Variants in GNPAT observed in about 807,000 individuals in gnomAD.
GNPAT encodes the protein dihydroxyacetone phosphate acyltransferase.
GNPAT carries 30 observed loss-of-function variants against 78.4 expected under a neutral mutation model. That is an observed-to-expected ratio of 0.38 (90% confidence interval 0.29 to 0.52). The LOEUF (loss-of-function observed/expected upper bound fraction) is 0.52, where lower values mean the gene tolerates loss of function less well. Among genes scored for constraint, GNPAT ranks in the 20% least tolerant of loss-of-function variants. The pLI is 0.84. For missense variants in GNPAT, 714 were observed against 812.2 expected (o/e 0.88, Z 1.47); for synonymous variants, 271 against 281.1 (o/e 0.96, Z 0.36).
intron 2 of GNPAT, among the ~76,000 whole-genome samples, chr1:231,253,070 GCC>G (rs1684945280): frequency 6.6e-6 from 1 of 152,184 alleles, no homozygotes; most frequent in African/African-American, 2.4e-5. Flanking sequence ...CCGGGTTCAT[GCC>G]ATTCTCCTGC....
intron 1 of GNPAT, among the ~76,000 whole-genome samples, chr1:231,245,917 C>T (rs1032061189): frequency 2.6e-5 from 4 of 151,632 alleles, no homozygotes; most frequent in African/African-American, 7.3e-5. Flanking sequence ...TGCAGTGAGC[C>T]GAGATTGCGC....
intron 12 of GNPAT, 23 bp from the exon 13 acceptor site, chr1:231,275,198 C>G (rs1170653239): frequency 1.5e-6 from 2 of 1,376,696 alleles, no homozygotes; most frequent in East Asian, 2.3e-5. Context: ...TTCTGTTCCC[C>G]TCATCCTTCC....
intron 4 of GNPAT, 85 bp from the exon 5 acceptor site, chr1:231,265,208 A>AT: frequency 9.8e-7 from 1 of 1,021,462 alleles, no homozygotes. Flanking sequence ...ATAATAAAAT[A>AT]TAAATGAAAA....
chr1:231,265,787 G>T lies in GNPAT; in HGVS notation c.772G>T (p.Gly258Cys). Residue 258 changes from glycine to cysteine, a missense_variant and splice_region_variant, in exon 6 of 16, where the codon GGT becomes TGT. By Grantham distance (159) the Gly-to-Cys change is radical. Coordinates refer to ENST00000366647, the MANE Select transcript of GNPAT (RefSeq NM_014236.4). ...TGCCAAGACATTGACTCCTAAATTT[G>T]GTAGGTCACTACAGATTAAAAGGAA... is the stretch of plus-strand genomic sequence containing the variant. ...RSAKTLTPKF[G>C]LLNIVMEPFF... The T allele has an allele frequency of 6.4e-7, 1 of 1,570,484 alleles. No homozygotes were observed. The highest frequency in any genetic ancestry group is 8.8e-7 in the Non-Finnish European group (1 of 1,140,266).
chr1:231,241,249 T>G lies in GNPAT; in HGVS notation c.-130T>G, dbSNP rs1242188139. 1.4e-6 allele frequency: 2 copies of G among 1,451,650 alleles called. No homozygotes were observed. Among genetic ancestry groups the G allele is most frequent in the African/African-American group, 2.8e-5 (2 of 71,474 alleles). 89.9% of individuals were successfully genotyped at this position (1,451,650 alleles called of 1,614,324 possible). A position where few individuals can be genotyped will look rare whatever the true frequency, so the allele number is the denominator to read the frequency against. The stretch of plus-strand genomic sequence containing the variant: ...AGATGGCGGCGCCCGGGATCCTGTG[T>G]AGCGGCTGCAGAGGGTGCCGCCGCC... On this transcript the variant is annotated 5_prime_UTR_variant, in exon 1 of 16. Coordinates refer to ENST00000366647, the MANE Select transcript of GNPAT (RefSeq NM_014236.4).
In GNPAT at chr1:231,251,054, C is replaced by T. The variant is rs1357562149; in HGVS notation, c.172C>T (p.Leu58Phe). 6.3e-7 allele frequency: 1 copy of T among 1,594,000 alleles called. No individual in the cohort carries two copies. Among genetic ancestry groups the T allele is most frequent in the East Asian group, 2.2e-5 (1 of 44,772 alleles). Residue 58 changes from leucine to phenylalanine, a missense_variant, in exon 2 of 16, where the codon CTT (leucine) becomes TTT (phenylalanine). Coordinates refer to ENST00000366647, the MANE Select transcript of GNPAT (RefSeq NM_014236.4). The stretch of plus-strand genomic sequence containing the variant: ...ATTTGCAATGAAATGCTACACACCT[C>T]TTGTCTATAAGGGAATTACTCCATG... Reference protein sequence around the residue: ...LKFAMKCYTPLVYKGITPCKP... With the variant: ...LKFAMKCYTPFVYKGITPCKP...
rs144541106 is a variant in GNPAT, at chr1:231,253,963, C to T, written c.261+2820C>T. 2.3e-3 allele frequency among the ~76,000 whole-genome samples: 357 copies of T among 152,326 alleles called. 2 individuals carry two copies. The highest frequency in any genetic ancestry group is 8.2e-3 in the African/African-American group (341 of 41,562). ...GAGTAGCTGGGATTACAGGCGCCTG[C>T]CACCACACCCGGCTAATTTTTGTAT... On this transcript the variant is annotated intron_variant, in intron 2 of 15. Coordinates refer to ENST00000366647, the MANE Select transcript of GNPAT (RefSeq NM_014236.4).
rs540007528 is a variant in GNPAT at position 231,251,346 on chromosome 1, G to GTGAAATA, written c.261+206_261+212dup. Among the ~76,000 whole-genome samples, 650 of 152,332 alleles carry GTGAAATA rather than the reference G, an allele frequency of 4.3e-3. 4 individuals carry two copies. Among genetic ancestry groups the GTGAAATA allele is most frequent in the Non-Finnish European group, 5.1e-3 (346 of 68,034 alleles). On this transcript the variant is annotated intron_variant, in intron 2 of 15. Coordinates refer to ENST00000366647, the MANE Select transcript of GNPAT (RefSeq NM_014236.4). ...CTAACAGTGAGCGAGTTGAGCGTAAGTGAAATATGTCGTCTGGGCATAAGT... is the reference window on the plus strand; with the variant it reads ...CTAACAGTGAGCGAGTTGAGCGTAAGTGAAATATGAAATATGTCGTCTGGGCATAAGT...
chr1:231,251,245 G>A, intron 2 of GNPAT, 102 bp downstream of exon 2: 1 of 700,568 alleles, frequency 1.4e-6, no homozygotes, highest in South Asian at 1.8e-5. Flanking sequence ...TTTAGGCTGA[G>A]CTGTATTCAT....
intron 14 of GNPAT, 106 bp from the exon 15 acceptor site, chr1:231,276,029 A>G: frequency 1.5e-6 from 1 of 678,494 alleles, no homozygotes; most frequent in South Asian, 1.6e-5. Flanking sequence ...AGCCTTGAGG[A>G]AGGCAATTGA....
chr1:231,265,378 C>T lies in GNPAT; in HGVS notation c.654C>T (p.Leu218=), dbSNP rs1264653733. 2 of 1,609,104 alleles carry T rather than the reference C, an allele frequency of 1.2e-6. No homozygotes were observed. The highest frequency in any genetic ancestry group is 1.3e-5 in the African/African-American group (1 of 74,776). ...GGCGTACCTTTGGTGGCAATAAACT[C>T]TACTGGGCTGTATTCTCTGAATATG... ...FMRRTFGGNK[L]YWAVFSEYVK... is the part of the protein sequence containing the mutation. The change falls in exon 5 of 16, where the codon CTC becomes CTT. Residue 218 remains leucine (L), a synonymous_variant. Transcript: ENST00000366647.
chr1:231,244,952 T>C (rs1253845525), intron 1 of GNPAT, among the ~76,000 whole-genome samples: 1 of 152,240 alleles, frequency 6.6e-6, no homozygotes, highest in Non-Finnish European at 1.5e-5. Flanking sequence ...CTGCTATTGC[T>C]CTGACTTTAC....
chr1:231,275,813 T>C (rs1685696242), intron 14 of GNPAT, among the ~76,000 whole-genome samples: 2 of 152,234 alleles, frequency 1.3e-5, no homozygotes, highest in Admixed American at 1.3e-4. Context: ...TAGACACACA[T>C]AAATACACAC....
intron 1 of GNPAT, 65 bp downstream of exon 1, chr1:231,241,521 C>T (rs999285866): frequency 4.3e-6 from 5 of 1,161,748 alleles, no homozygotes; most frequent in East Asian, 2.3e-5. Context: ...TTCTCCCAGT[C>T]CCTATTCCTC....
chr1:231,265,688 G>A, intron 5 of GNPAT, 24 bp from the exon 6 acceptor site: 1 of 1,439,280 alleles, frequency 6.9e-7, no homozygotes, highest in Non-Finnish European at 9.8e-7. Context: ...TGGGTTTTGT[G>A]TTTTGTTTGT....
chr1:231,248,493 C>T (rs1684807510), intron 1 of GNPAT, among the ~76,000 whole-genome samples: 1 of 150,702 alleles, frequency 6.6e-6, no homozygotes, highest in African/African-American at 2.4e-5. Flanking sequence ...TTTGGGAGGC[C>T]AAGGTGGGAA....
chr1:231,275,179 T>C, intron 12 of GNPAT, 42 bp from the exon 13 acceptor site: 1 of 1,186,714 alleles, frequency 8.4e-7, no homozygotes, highest in Non-Finnish European at 1.3e-6. Context: ...TTGGCTATCC[T>C]TTTTCTCTTT....
chr1:231,261,271 C>G (rs1178867666), intron 3 of GNPAT, among the ~76,000 whole-genome samples: 2 of 152,024 alleles, frequency 1.3e-5, no homozygotes, highest in African/African-American at 2.4e-5. Context: ...GTATCCACTT[C>G]CATATTAGAC....
rs147630261 is a variant in GNPAT at position 231,259,588 on chromosome 1, G to A, written c.262-919G>A. Among the ~76,000 whole-genome samples, 83 of 151,536 alleles carry A rather than the reference G, an allele frequency of 5.5e-4. No individual in the cohort carries two copies. The East Asian group carries it at 8.9e-3, about 16-fold the overall frequency. On this transcript the variant is annotated intron_variant, in intron 2 of 15. Transcript: ENST00000366647. ...CTTGAACCCGGGAAGCAGAGGTTGC[G>A]GTGAGCCGAGATTGCACCATTGTAC... is the stretch of plus-strand genomic sequence containing the variant.
Sources: allele counts gnomAD v4.1 joint callset (sites outside exome capture counted in the v4.1 genomes callset), GRCh38; gene constraint gnomAD v4.1.1; transcripts MANE v1.5; gene names NCBI Gene and HGNC (gene_info 2026-07-23, HGNC 2026-07-21).